The following DRC11 variants were observed in gnomAD, a reference collection of about 807,000 sequenced individuals.
DRC11 encodes the protein IQ and AAA domain-containing protein 1.
chr2:236,433,233 T>C, the DRC11 span, among the ~76,000 whole-genome samples: 2 of 152,192 alleles, frequency 1.3e-5, no homozygotes, highest in Non-Finnish European at 2.9e-5. Flanking sequence ...CTTGGTTATT[T>C]GCTTTCTACT....
the DRC11 span, chr2:236,486,930 A>G: frequency 1.3e-6 from 2 of 1,492,080 alleles, no homozygotes; most frequent in Non-Finnish European, 1.8e-6. The surrounding 1 kb of genome is among the most constrained non-coding windows in gnomAD (Gnocchi z 5.7). Context: ...TACTTGTTTA[A>G]TACATACAAA....
the DRC11 span, among the ~76,000 whole-genome samples, chr2:236,335,240 C>A: frequency 6.6e-6 from 1 of 152,190 alleles, no homozygotes; most frequent in East Asian, 1.9e-4. This position sits in a 1 kb window ranked among gnomAD's most constrained non-coding sequence, Gnocchi z 5.6. Context: ...GAAGATACTA[C>A]TTTTGATAGC....
At chr2:236,413,447 C>T in the DRC11 span, among the ~76,000 whole-genome samples, 1 of 152,232 alleles carries the variant, frequency 6.6e-6, no homozygotes, top group South Asian at 2.1e-4. The surrounding 1 kb of genome is among the most constrained non-coding windows in gnomAD (Gnocchi z 4.0). Flanking sequence ...TTCCTGATAA[C>T]TTCCTTTGGA....
the DRC11 span, among the ~76,000 whole-genome samples, chr2:236,410,042 TTCA>T: frequency 6.6e-6 from 1 of 152,136 alleles, no homozygotes; most frequent in African/African-American, 2.4e-5. Context: ...TGCATCAATG[TTCA>T]TCAAGGATAT....
the DRC11 span, among the ~76,000 whole-genome samples, chr2:236,365,295 T>C: frequency 1.5e-4 from 23 of 150,278 alleles, no homozygotes; most frequent in African/African-American, 5.6e-4. The surrounding 1 kb of genome is among the most constrained non-coding windows in gnomAD (Gnocchi z 7.4). Flanking sequence ...CCACAGGGAG[T>C]TCAGAGAAGA....
the DRC11 span, among the ~76,000 whole-genome samples, chr2:236,445,802 G>T: frequency 2.0e-5 from 3 of 152,096 alleles, no homozygotes; most frequent in Admixed American, 1.3e-4. This position sits in a 1 kb window ranked among gnomAD's most constrained non-coding sequence, Gnocchi z 4.8. Context: ...GTGACAATGT[G>T]CCTGATAGCT....
At chr2:236,406,963 T>A in the DRC11 span, among the ~76,000 whole-genome samples, 1 of 152,176 alleles carries the variant, frequency 6.6e-6, no homozygotes, top group Non-Finnish European at 1.5e-5. The surrounding 1 kb of genome is among the most constrained non-coding windows in gnomAD (Gnocchi z 4.7). Context: ...GCCAGGATGG[T>A]CTCAATCTCT....
the DRC11 span, among the ~76,000 whole-genome samples, chr2:236,317,310 A>T: frequency 2.2e-4 from 33 of 152,092 alleles, no homozygotes; most frequent in Non-Finnish European, 4.1e-4. This position sits in a 1 kb window ranked among gnomAD's most constrained non-coding sequence, Gnocchi z 5.4. Context: ...AAAAAAAAAA[A>T]AAGATAGGCT....
the DRC11 span, among the ~76,000 whole-genome samples, chr2:236,374,274 T>C: frequency 1.3e-5 from 2 of 152,102 alleles, no homozygotes; most frequent in Non-Finnish European, 2.9e-5. Flanking sequence ...TTTGGGAAGA[T>C]ACACTGCCAT....
chr2:236,353,920 T>G, the DRC11 span, among the ~76,000 whole-genome samples: 1,417 of 152,328 alleles, frequency 9.3e-3, 28 homozygotes, highest in African/African-American at 0.031. The surrounding 1 kb of genome is among the most constrained non-coding windows in gnomAD (Gnocchi z 5.0). Flanking sequence ...GGCCTGCATT[T>G]CCACTATTTA....
chr2:236,499,124 C>T, the DRC11 span, among the ~76,000 whole-genome samples: 1 of 152,300 alleles, frequency 6.6e-6, no homozygotes, highest in African/African-American at 2.4e-5. This position sits in a 1 kb window ranked among gnomAD's most constrained non-coding sequence, Gnocchi z 4.7. Flanking sequence ...CACTCATTCC[C>T]GTGCTTACCT....
chr2:236,342,587 A>G, the DRC11 span, among the ~76,000 whole-genome samples: 1 of 152,208 alleles, frequency 6.6e-6, no homozygotes, highest in Non-Finnish European at 1.5e-5. This position sits in a 1 kb window ranked among gnomAD's most constrained non-coding sequence, Gnocchi z 5.8. Context: ...CCTGAGGGGC[A>G]GGCCCCGCAA....
At chr2:236,358,022 T>C in the DRC11 span, among the ~76,000 whole-genome samples, 1 of 80,024 alleles carries the variant, frequency 1.2e-5, no homozygotes, top group Non-Finnish European at 2.7e-5. Context: ...TATATAGATA[T>C]AATATGAATA....
At chr2:236,416,324 C>A in the DRC11 span, among the ~76,000 whole-genome samples, 1 of 152,098 alleles carries the variant, frequency 6.6e-6, no homozygotes, top group Non-Finnish European at 1.5e-5. Context: ...AGTGGTGTAA[C>A]CTCGCCTGTA....
the DRC11 span, among the ~76,000 whole-genome samples, chr2:236,341,391 T>G: frequency 1.3e-5 from 2 of 152,296 alleles, no homozygotes; most frequent in Admixed American, 6.5e-5. Flanking sequence ...GCGGGCCTGG[T>G]CCAGGCGTCT....
chr2:236,360,598 A>G, the DRC11 span, among the ~76,000 whole-genome samples: 1 of 152,226 alleles, frequency 6.6e-6, no homozygotes, highest in East Asian at 1.9e-4. This position sits in a 1 kb window ranked among gnomAD's most constrained non-coding sequence, Gnocchi z 5.8. Context: ...CATGGAGGCC[A>G]CAAGTCAGGC....
the DRC11 span, among the ~76,000 whole-genome samples, chr2:236,496,030 A>G: frequency 6.6e-6 from 1 of 152,188 alleles, no homozygotes; most frequent in African/African-American, 2.4e-5. The surrounding 1 kb of genome is among the most constrained non-coding windows in gnomAD (Gnocchi z 6.3). Flanking sequence ...ATGACTTCCT[A>G]TTCTTGAAAT....
At chr2:236,380,416 G>A in the DRC11 span, among the ~76,000 whole-genome samples, 2 of 152,240 alleles carry the variant, frequency 1.3e-5, no homozygotes, top group Non-Finnish European at 2.9e-5. The surrounding 1 kb of genome is among the most constrained non-coding windows in gnomAD (Gnocchi z 4.9). Flanking sequence ...TTTCCAGTCT[G>A]GGATTTGTAG....
chr2:236,504,666 T>C, the DRC11 span, among the ~76,000 whole-genome samples: 1 of 152,178 alleles, frequency 6.6e-6, no homozygotes, highest in Non-Finnish European at 1.5e-5. This position sits in a 1 kb window ranked among gnomAD's most constrained non-coding sequence, Gnocchi z 5.0. Flanking sequence ...AAATCTCATC[T>C]TAAATTTTAG....
Sources: gnomAD v4.1 joint callset for allele counts (sites outside exome capture counted in the v4.1 genomes callset) on GRCh38, gnomAD v4.1.1 for gene constraint, Gnocchi (gnomAD v3.1) non-coding constraint, MANE v1.5 for transcripts, NCBI Gene and HGNC (gene_info 2026-07-23, HGNC 2026-07-21) for gene names.